BICD1: variants seen among roughly 807,000 people sequenced by gnomAD.
The protein encoded by BICD1 is BICD cargo adaptor 1.
Under a neutral mutation model 92.5 loss-of-function variants are expected in BICD1, and 35 were observed. The observed-to-expected ratio is 0.38, with a 90% confidence interval of 0.29 to 0.50. The LOEUF (loss-of-function observed/expected upper bound fraction) is 0.50. BICD1 is among the 20% of genes least tolerant of loss of function. The probability of loss-of-function intolerance (pLI) is 0.93; values close to 1 mark genes in which losing one functional copy is unlikely to be tolerated. For missense variants in BICD1, 950 were observed against 1,189.8 expected, an observed-to-expected ratio of 0.80 and a Z score of 2.97; for synonymous variants, 429 against 465.1, an observed-to-expected ratio of 0.92 and a Z score of 1.00.
rs572339141 is a variant in BICD1 at position 32,320,885 on chromosome 12, C to G, written c.1006-6576C>G. 3.2e-4 allele frequency among the ~76,000 whole-genome samples: 49 copies of G among 152,232 alleles called. No individual in the cohort carries two copies. In the East Asian group the frequency reaches 9.1e-3, roughly 28 times the overall value. On this transcript the variant is annotated intron_variant, in intron 4 of 9. Coordinates refer to ENST00000652176, the MANE Select transcript of BICD1 (RefSeq NM_001714.4). ...GGAAGAGAAATAAGACAACTATTCTCAGTCACTACAGAAGATCATAATAAA... is the reference window on the plus strand; with the variant it reads ...GGAAGAGAAATAAGACAACTATTCTGAGTCACTACAGAAGATCATAATAAA...
chr12:32,258,905 C>T (rs185881300), intron 2 of BICD1, among the ~76,000 whole-genome samples: 8 of 152,316 alleles, frequency 5.3e-5, no homozygotes, highest in Admixed American at 5.2e-4. Flanking sequence ...GGGTTTAAGC[C>T]TCCGGATGAC....
chr12:32,107,329 G>T lies in BICD1; in HGVS notation c.-3G>T. On this transcript the variant is annotated 5_prime_UTR_variant, in exon 1 of 10. Coordinates refer to ENST00000652176, the MANE Select transcript of BICD1 (RefSeq NM_001714.4). ...CCCCCTCCTGCCTCCATCCACCGGG[G>T]CTATGGCCGCAGAAGAGGTATTGCA... 1 of 1,596,770 alleles carries T rather than the reference G, an allele frequency of 6.3e-7. No individual in the cohort carries two copies. Among genetic ancestry groups the T allele is most frequent in the Non-Finnish European group, 8.5e-7 (1 of 1,172,048 alleles).
chr12:32,129,262 T>C (rs12304372), intron 1 of BICD1, among the ~76,000 whole-genome samples: 43,645 of 150,900 alleles, frequency 0.29, 6,548 homozygotes, highest in Admixed American at 0.43. Context: ...TGGTGGCTTA[T>C]GCCTGTAATC....
intron 2 of BICD1, among the ~76,000 whole-genome samples, chr12:32,284,470 T>C (rs918555356): frequency 1.3e-5 from 2 of 152,164 alleles, no homozygotes; most frequent in African/African-American, 4.8e-5. Context: ...TATTATCACA[T>C]CAGTCAGCGA....
At chr12:32,154,475 A>T (rs987730117) in intron 1 of BICD1, among the ~76,000 whole-genome samples, 1 of 152,170 alleles carries the variant, frequency 6.6e-6, no homozygotes, top group Admixed American at 6.5e-5. Context: ...CAAGCTCCTT[A>T]GTCTGGCATG....
chr12:32,250,007 G>A (rs551138176), intron 2 of BICD1, among the ~76,000 whole-genome samples: 2 of 151,584 alleles, frequency 1.3e-5, no homozygotes, highest in African/African-American at 4.8e-5. Flanking sequence ...ATGGTGGAGA[G>A]GCTGAACTGT....
intron 4 of BICD1, among the ~76,000 whole-genome samples, chr12:32,308,581 A>T (rs1948293064): frequency 6.6e-6 from 1 of 152,196 alleles, no homozygotes; most frequent in African/African-American, 2.4e-5. Context: ...AATAATTTAG[A>T]TAATTATTAT....
intron 4 of BICD1, among the ~76,000 whole-genome samples, chr12:32,320,694 A>AAG (rs1314366553): frequency 5.3e-5 from 8 of 152,064 alleles, no homozygotes; most frequent in Non-Finnish European, 1.0e-4. Flanking sequence ...AAATAAAAAA[A>AAG]AATTCTATGG....
Position 32,381,950 on chromosome 12 carries a change from G to A in BICD1, c.*4323G>A, listed in dbSNP as rs1940194272. ...AATTCTTCAAAAAGCTGTTGAACTG[G>A]AGTTATGATAGGTTATGACAGAGAG... On this transcript the variant is annotated 3_prime_UTR_variant, in exon 10 of 10. Coordinates refer to ENST00000652176, the MANE Select transcript of BICD1 (RefSeq NM_001714.4). The A allele has an allele frequency of 6.6e-6, 1 of 152,076 alleles. No homozygotes were observed. The highest frequency in any genetic ancestry group is 1.5e-5 in the Non-Finnish European group (1 of 67,948). The allele number at this position is 152,076 out of a possible 1,614,324, so 9.4% of individuals were successfully genotyped here. A position where few individuals can be genotyped will look rare whatever the true frequency, so the allele number is the denominator to read the frequency against.
chr12:32,318,714 C>T (rs959172203), intron 4 of BICD1, among the ~76,000 whole-genome samples: 5 of 152,178 alleles, frequency 3.3e-5, no homozygotes, highest in East Asian at 1.9e-4. Flanking sequence ...ATTAACCAGG[C>T]GTAGTGGCGC....
intron 1 of BICD1, among the ~76,000 whole-genome samples, chr12:32,111,458 A>C (rs1328091477): frequency 6.6e-6 from 1 of 152,150 alleles, no homozygotes; most frequent in African/African-American, 2.4e-5. Flanking sequence ...TTTCTTTTAT[A>C]TCTTTAAGTT....
Position 32,216,304 on chromosome 12 carries a change from G to A in BICD1, c.271G>A (p.Glu91Lys). 6.2e-7 allele frequency: 1 copy of A among 1,614,126 alleles called. No individual in the cohort carries two copies. Among genetic ancestry groups the A allele is most frequent in the Non-Finnish European group, 8.5e-7 (1 of 1,180,024 alleles). Residue 91 changes from glutamate (E) to lysine (K), a missense_variant, in exon 2 of 10, where the codon GAG (glutamate) becomes AAG (lysine). Around this residue, in one of 5 missense-constraint regions of BICD1, gnomAD observed 202 missense variants for 205.3 expected, o/e 0.98. Transcript: ENST00000652176. ...GGTTGCTGAAGATGGAGAGACTCGG[G>A]AGGAAACGCTTCTGCAGGAGTCAGC... ...RKVAEDGETR[E>K]ETLLQESASK...
At chr12:32,194,375 CAA>C (rs1445274883) in intron 1 of BICD1, among the ~76,000 whole-genome samples, 1 of 152,088 alleles carries the variant, frequency 6.6e-6, no homozygotes, top group Non-Finnish European at 1.5e-5. Context: ...GAAAAAGAAA[CAA>C]AAGACATCCA....
In BICD1 at chr12:32,135,709, C is replaced by T. The variant is rs1480666907; in HGVS notation, c.213+28165C>T. On this transcript the variant is annotated intron_variant, in intron 1 of 9. Transcript: ENST00000652176. Reference sequence around the variant, plus strand: ...ACCTTCACCTTTCTTTTAGAAAGAGCGTGAATCTCTAATTCACCAGAGTCC... The same window carrying T: ...ACCTTCACCTTTCTTTTAGAAAGAGTGTGAATCTCTAATTCACCAGAGTCC... Among the ~76,000 whole-genome samples the T allele has an allele frequency of 2.0e-5, 3 of 152,096 alleles. No homozygotes were observed. The East Asian group carries it at 5.8e-4, about 29-fold the overall frequency.
intron 9 of BICD1, among the ~76,000 whole-genome samples, chr12:32,369,740 A>ATT (rs11390633): frequency 1.5e-4 from 22 of 148,348 alleles, no homozygotes; most frequent in Middle Eastern, 3.5e-3. Flanking sequence ...CCTCTACCAA[A>ATT]TTTTTTTTTT....
intron 1 of BICD1, among the ~76,000 whole-genome samples, chr12:32,166,254 G>GTC (rs1445731587): frequency 1.3e-5 from 2 of 151,934 alleles, no homozygotes; most frequent in Admixed American, 1.3e-4. Flanking sequence ...TCCTGCCTTA[G>GTC]TCTCCCAAGT....
At chr12:32,207,304 T>C (rs1421731985) in intron 1 of BICD1, among the ~76,000 whole-genome samples, 1 of 152,062 alleles carries the variant, frequency 6.6e-6, no homozygotes, top group Non-Finnish European at 1.5e-5. Flanking sequence ...TTACAAACCA[T>C]CAGGGTTAGA....
At chr12:32,124,361 G>A (rs180692031) in intron 1 of BICD1, among the ~76,000 whole-genome samples, 1 of 152,254 alleles carries the variant, frequency 6.6e-6, no homozygotes, top group African/African-American at 2.4e-5. Context: ...TTTGAGTTAA[G>A]AACAGACTGT....
At chr12:32,129,619 C>G (rs1280640420) in intron 1 of BICD1, among the ~76,000 whole-genome samples, 1 of 151,968 alleles carries the variant, frequency 6.6e-6, no homozygotes, top group Non-Finnish European at 1.5e-5. Flanking sequence ...ATCTTCCCAC[C>G]TCAGCCTCCC....
Sources: allele counts gnomAD v4.1 joint callset (sites outside exome capture counted in the v4.1 genomes callset), GRCh38; gene constraint gnomAD v4.1.1; regional missense constraint gnomAD v4.1.1; transcripts MANE v1.5; gene names NCBI Gene and HGNC (gene_info 2026-07-23, HGNC 2026-07-21).